TENT2: variants seen among roughly 807,000 people sequenced by gnomAD.
The protein encoded by TENT2 is poly(A) RNA polymerase GLD2.
In TENT2, 44 loss-of-function variants were observed where a neutral mutation model predicts 72.2. The observed-to-expected ratio is 0.61, with a 90% confidence interval of 0.48 to 0.78. TENT2 has a LOEUF of 0.78. Among genes scored for constraint, TENT2 ranks in the 30% least tolerant of loss-of-function variants. The probability of loss-of-function intolerance (pLI) is 0.00; values close to 1 mark genes in which losing one functional copy is unlikely to be tolerated. For missense variants in TENT2, 541 were observed against 569.6 expected (o/e 0.95, Z 0.51); for synonymous variants, 212 against 192.5 (o/e 1.10, Z -0.84).
At chr5:79,649,450 C>CCACCAA (rs1791909795) in intron 10 of TENT2, among the ~76,000 whole-genome samples, 1 of 150,194 alleles carries the variant, frequency 6.7e-6, no homozygotes, top group Non-Finnish European at 1.5e-5. Flanking sequence ...ACTTTCACCA[C>CCACCAA]TGTATTGTGG....
rs1001050162 is a variant in TENT2 at position 79,623,299 on chromosome 5, G to A, written c.275G>A (p.Arg92His). The A allele has an allele frequency of 6.2e-7, 1 of 1,612,872 alleles. No homozygotes were observed. Among genetic ancestry groups the A allele is most frequent in the Non-Finnish European group, 8.5e-7 (1 of 1,179,480 alleles). Residue 92 changes from arginine (R) to histidine (H), a missense_variant, in exon 4 of 15, where the codon CGT (arginine) becomes CAT (histidine). By Grantham distance (29) the Arg-to-His change is conservative. Transcript: ENST00000453514. ...KNLPLDGKRQ[R>H]FHSPHQEPTV... ...CTTCCTCTTGACGGTAAACGGCAACGTTTCCATTCACCCCACCAAGAGCCA... is the reference window on the plus strand; with the variant it reads ...CTTCCTCTTGACGGTAAACGGCAACATTTCCATTCACCCCACCAAGAGCCA...
chr5:79,678,655 T>C (rs1229573769), intron 12 of TENT2, among the ~76,000 whole-genome samples: 1 of 152,220 alleles, frequency 6.6e-6, no homozygotes, highest in Admixed American at 6.5e-5. Flanking sequence ...GCATCTGATA[T>C]ACAGCCATTA....
At chr5:79,616,087 G>A (rs1281420504) in intron 1 of TENT2, among the ~76,000 whole-genome samples, 10 of 151,192 alleles carry the variant, frequency 6.6e-5, no homozygotes, top group African/African-American at 1.5e-4. Flanking sequence ...GGATTTTGCC[G>A]TGTTGGCCAG....
chr5:79,618,508 G>A (rs566638405), intron 1 of TENT2, among the ~76,000 whole-genome samples: 1 of 152,130 alleles, frequency 6.6e-6, no homozygotes, highest in East Asian at 1.9e-4. Flanking sequence ...TGCTGGGATT[G>A]TAGGTGTGAG....
intron 14 of TENT2, among the ~76,000 whole-genome samples, chr5:79,683,640 G>C (rs1823963456): frequency 6.6e-6 from 1 of 152,050 alleles, no homozygotes; most frequent in Admixed American, 6.5e-5. Flanking sequence ...TTTTGGCCGG[G>C]CGCGGTGGCT....
chr5:79,639,839 G>A (rs1346384784), intron 4 of TENT2, among the ~76,000 whole-genome samples: 1 of 152,150 alleles, frequency 6.6e-6, no homozygotes, highest in Non-Finnish European at 1.5e-5. Context: ...GAAGAATACT[G>A]GAGGAAATAA....
intron 6 of TENT2, among the ~76,000 whole-genome samples, chr5:79,642,106 G>A (rs1305154143): frequency 2.0e-5 from 3 of 151,526 alleles, no homozygotes; most frequent in Non-Finnish European, 4.4e-5. Flanking sequence ...ATTAAGCTCA[G>A]TGTAATTTTA....
At chr5:79,651,350 C>T (rs1052597334) in intron 10 of TENT2, among the ~76,000 whole-genome samples, 1 of 151,452 alleles carries the variant, frequency 6.6e-6, no homozygotes, top group Non-Finnish European at 1.5e-5. Context: ...TTTACCTGTT[C>T]ATTACATGAT....
rs75003579 is a variant in TENT2, at chr5:79,685,546, TAACTG to T, written c.*277_*281del. 40,661 of 245,180 alleles carry T rather than the reference TAACTG, an allele frequency of 0.17. 5,319 individuals carry two copies. Among genetic ancestry groups the T allele is most frequent in the African/African-American group, 0.42 (18,074 of 43,548 alleles). 15.2% of individuals were successfully genotyped at this position (245,180 alleles called of 1,614,324 possible). On this transcript the variant is annotated 3_prime_UTR_variant, in exon 15 of 15. Coordinates refer to ENST00000453514, the MANE Select transcript of TENT2 (RefSeq NM_001114394.3). ...TCAGATAAAATATATTTTGGGAAATTAACTGAACAAATAAAAAGTTTTTGATATAA... is the reference window on the plus strand; with the variant it reads ...TCAGATAAAATATATTTTGGGAAATTAACAAATAAAAAGTTTTTGATATAA...
At chr5:79,616,955 G>GA (rs1238919191) in intron 1 of TENT2, among the ~76,000 whole-genome samples, 4 of 151,832 alleles carry the variant, frequency 2.6e-5, no homozygotes, top group African/African-American at 9.7e-5. Context: ...TTATGGAATT[G>GA]AAAAAACAAG....
At chr5:79,632,800 A>C (rs1017791524) in intron 4 of TENT2, among the ~76,000 whole-genome samples, 3 of 152,206 alleles carry the variant, frequency 2.0e-5, no homozygotes, top group African/African-American at 7.2e-5. Context: ...TTCAAAAACC[A>C]CTGAGATATA....
At chr5:79,630,452 C>G (rs1774395251) in intron 4 of TENT2, among the ~76,000 whole-genome samples, 1 of 152,054 alleles carries the variant, frequency 6.6e-6, no homozygotes, top group Non-Finnish European at 1.5e-5. Context: ...GTGGCAGGTG[C>G]CTGTAATCCC....
chr5:79,671,468 G>A (rs190269546), intron 12 of TENT2, among the ~76,000 whole-genome samples: 90 of 151,094 alleles, frequency 6.0e-4, no homozygotes, highest in Admixed American at 2.3e-3. Flanking sequence ...GCAGTGGTGC[G>A]ATCTTAGCTC....
intron 6 of TENT2, 86 bp from the exon 7 acceptor site, chr5:79,642,746 G>A (rs1785440221): frequency 9.7e-7 from 1 of 1,028,346 alleles, no homozygotes; most frequent in Non-Finnish European, 1.4e-6. Context: ...TATCTTGTAT[G>A]TTTTCTTTTT....
rs544295597 is a variant in TENT2, at chr5:79,634,572, C to T, written c.466-6279C>T. Among the ~76,000 whole-genome samples, 4 of 152,230 alleles carry T rather than the reference C, an allele frequency of 2.6e-5. No individual in the cohort carries two copies. The South Asian group carries it at 8.3e-4, about 32-fold the overall frequency. Reference sequence around the variant, plus strand: ...CAGGCTGGTCTCGAACTCCTGACCTCAAGTGATCTGCCCGCCTTGGCCTCC... The same window carrying T: ...CAGGCTGGTCTCGAACTCCTGACCTTAAGTGATCTGCCCGCCTTGGCCTCC... On this transcript the variant is annotated intron_variant, in intron 4 of 14. Coordinates refer to ENST00000453514, the MANE Select transcript of TENT2 (RefSeq NM_001114394.3).
intron 12 of TENT2, among the ~76,000 whole-genome samples, chr5:79,675,781 T>G (rs1816806919): frequency 6.6e-6 from 1 of 152,168 alleles, no homozygotes; most frequent in African/African-American, 2.4e-5. Context: ...GAGATGCCTA[T>G]AGGACATCCA....
intron 11 of TENT2, among the ~76,000 whole-genome samples, chr5:79,665,076 A>G (rs1806363367): frequency 6.6e-6 from 1 of 152,232 alleles, no homozygotes; most frequent in African/African-American, 2.4e-5. Context: ...ATACATCACC[A>G]GATTAATGAT....
intron 12 of TENT2, among the ~76,000 whole-genome samples, chr5:79,674,475 G>A (rs1335362327): frequency 1.3e-5 from 2 of 152,168 alleles, no homozygotes; most frequent in Non-Finnish European, 2.9e-5. Flanking sequence ...TACAATGCAT[G>A]AACCTTTATT....
At chr5:79,645,243 A>G (rs1443732124) in intron 8 of TENT2, 51 bp downstream of exon 8, 1 of 1,342,562 alleles carries the variant, frequency 7.4e-7, no homozygotes, top group Admixed American at 2.0e-5. Context: ...TCATTTTTAG[A>G]TACTCATCTG....
Sources: allele counts gnomAD v4.1 joint callset (sites outside exome capture counted in the v4.1 genomes callset), GRCh38; gene constraint gnomAD v4.1.1; transcripts MANE v1.5; gene names NCBI Gene and HGNC (gene_info 2026-07-23, HGNC 2026-07-21).